The following VCL variants were observed in gnomAD, a reference collection of about 807,000 sequenced individuals.
VCL encodes epididymis luminal protein 114.
Under a neutral mutation model 125.7 loss-of-function variants are expected in VCL, and 47 were observed. The observed-to-expected ratio is 0.37, with a 90% confidence interval of 0.30 to 0.48. The LOEUF (loss-of-function observed/expected upper bound fraction) is 0.48. Among genes scored for constraint, VCL ranks in the 20% least tolerant of loss-of-function variants. VCL has a pLI of 0.99. For synonymous variants in VCL, 458 were observed against 514.6 expected (o/e 0.89, Z 1.49); for missense variants, 1,069 against 1,455.5 (o/e 0.73, Z 4.32).
At position 74,097,400 on chromosome 10, in the gene VCL, AT is replaced by A; in HGVS notation, c.1872+70del. 1.3e-6 allele frequency: 2 copies of A among 1,588,946 alleles called. No individual in the cohort carries two copies. The highest frequency in any genetic ancestry group is 1.7e-6 in the Non-Finnish European group (2 of 1,170,318). On this transcript the variant is annotated intron_variant, in intron 13 of 21. Transcript: ENST00000211998. The surrounding 1 kb of genome is among the most constrained non-coding windows in gnomAD (Gnocchi z 4.1). ...TAGGTATATGTAAAGGTGAAATGTG[AT>A]TACAGTGGACATCAGGATCAGTGGT...
At chr10:74,039,163 C>T (rs945485420) in intron 1 of VCL, among the ~76,000 whole-genome samples, 4 of 152,178 alleles carry the variant, frequency 2.6e-5, no homozygotes, top group Non-Finnish European at 4.4e-5. Flanking sequence ...CTGCTCTCCT[C>T]GGCCTCCCAA....
intron 1 of VCL, among the ~76,000 whole-genome samples, chr10:74,037,578 C>G (rs1841006075): frequency 1.3e-5 from 2 of 152,220 alleles, no homozygotes; most frequent in South Asian, 2.1e-4. Flanking sequence ...AAGTCCTGAA[C>G]TAACTGAACT....
intron 1 of VCL, among the ~76,000 whole-genome samples, chr10:74,009,213 C>CT (rs200588325): frequency 3.1e-5 from 2 of 64,942 alleles, no homozygotes; most frequent in African/African-American, 7.0e-5. Flanking sequence ...GTGGCTGCTG[C>CT]TTTCCCCCCC....
In VCL at chr10:74,070,796, G is replaced by A. The variant is rs199562976; in HGVS notation, c.366G>A (p.Leu122=). The A allele has an allele frequency of 1.6e-4, 262 of 1,613,908 alleles. No individual in the cohort carries two copies. The highest frequency in any genetic ancestry group is 2.0e-4 in the Non-Finnish European group (233 of 1,180,014). ...GCATCCTCTCTGGAACATCAGACCT[G>A]CTCCTTACCTTCGATGAGGCTGAGG... The part of the protein sequence containing the change: ...SRGILSGTSD[L]LLTFDEAEVR... Residue 122 remains leucine (L), a synonymous_variant, in exon 3 of 22, where the codon CTG becomes CTA. Coordinates refer to ENST00000211998, the MANE Select transcript of VCL (RefSeq NM_014000.3).
chr10:74,056,917 C>G (rs776600404), intron 2 of VCL, among the ~76,000 whole-genome samples: 7 of 152,070 alleles, frequency 4.6e-5, no homozygotes, highest in Non-Finnish European at 7.4e-5. Context: ...GAAATCTTCA[C>G]ATATATTATT....
At chr10:74,121,184 T>G (rs1005968737), downstream of VCL, 1 of 152,196 alleles carries the variant, frequency 6.6e-6, no homozygotes, top group Non-Finnish European at 1.5e-5. Context: ...TAAAACTGTC[T>G]TGTTTTTGCC....
intron 2 of VCL, among the ~76,000 whole-genome samples, chr10:74,069,426 T>C (rs1487784154): frequency 1.3e-5 from 2 of 152,230 alleles, no homozygotes; most frequent in Non-Finnish European, 2.9e-5. Flanking sequence ...TTTACATCTT[T>C]ATATACATAC....
intron 6 of VCL, among the ~76,000 whole-genome samples, chr10:74,082,131 A>G (rs1423005175): frequency 6.6e-6 from 1 of 152,208 alleles, no homozygotes; most frequent in Non-Finnish European, 1.5e-5. Flanking sequence ...ACAATGAGGC[A>G]TGTGACAACA....
intron 10 of VCL, among the ~76,000 whole-genome samples, chr10:74,092,023 C>A (rs1839897553): frequency 6.6e-6 from 1 of 151,972 alleles, no homozygotes; most frequent in Non-Finnish European, 1.5e-5. Flanking sequence ...ATTCTCCTGC[C>A]TCAGCCTCCC....
intron 1 of VCL, among the ~76,000 whole-genome samples, chr10:74,032,710 ATATATATAT>A (rs763617340): frequency 7.4e-6 from 1 of 134,532 alleles, no homozygotes; most frequent in Non-Finnish European, 1.5e-5. Context: ...AAAAAAAAAA[ATATATATAT>A]ATATATATAT....
intron 2 of VCL, among the ~76,000 whole-genome samples, chr10:74,065,249 G>A (rs1051758979): frequency 2.0e-5 from 3 of 151,056 alleles, no homozygotes; most frequent in African/African-American, 4.9e-5. Flanking sequence ...CAATTCTCCT[G>A]CCTCAGCCTC....
At chr10:74,022,722 C>T (rs112903111) in intron 1 of VCL, among the ~76,000 whole-genome samples, 57 of 151,644 alleles carry the variant, frequency 3.8e-4, no homozygotes, top group Non-Finnish European at 7.5e-4. Context: ...CTGCAACCTC[C>T]GCCTTCCAGG....
intron 17 of VCL, 130 bp downstream of exon 17, chr10:74,107,484 G>A (rs1470540386): frequency 6.9e-7 from 1 of 1,459,172 alleles, no homozygotes; most frequent in African/African-American, 1.4e-5. Context: ...AGCTTAGTGG[G>A]AGGCAGATCT....
chr10:74,096,117 C>A (rs1839964268), intron 12 of VCL, among the ~76,000 whole-genome samples: 1 of 147,200 alleles, frequency 6.8e-6, no homozygotes, highest in South Asian at 2.2e-4. Context: ...ATCATCTGTA[C>A]TTTTATTTAG....
chr10:74,108,925 G>C, intron 17 of VCL, 46 bp from the exon 18 acceptor site: 1 of 1,607,212 alleles, frequency 6.2e-7, no homozygotes, highest in Non-Finnish European at 8.5e-7. Flanking sequence ...ATTCCAGGGG[G>C]GAGTAGTTTT....
intron 14 of VCL, among the ~76,000 whole-genome samples, chr10:74,101,622 C>G (rs1399597413): frequency 7.8e-6 from 1 of 128,532 alleles, no homozygotes; most frequent in African/African-American, 3.1e-5. Flanking sequence ...GTGGCGCAAT[C>G]TCGGCTCACT....
chr10:74,053,604 A>C (rs1841344697), intron 2 of VCL, among the ~76,000 whole-genome samples: 1 of 151,326 alleles, frequency 6.6e-6, no homozygotes, highest in African/African-American at 2.4e-5. Context: ...TTTATGTTCA[A>C]TCTTTCTTTT....
Position 74,089,930 on chromosome 10 carries a change from A to G in VCL, c.1177-93A>G, listed in dbSNP as rs1839850378. ...TTATAAAAATGATTACTGGTATATTACTTTTGAAATCCTTCTTCTGGCCTT... is the reference window on the plus strand; with the variant it reads ...TTATAAAAATGATTACTGGTATATTGCTTTTGAAATCCTTCTTCTGGCCTT... On this transcript the variant is annotated intron_variant, in intron 9 of 21. Coordinates refer to ENST00000211998, the MANE Select transcript of VCL (RefSeq NM_014000.3). The G allele has an allele frequency of 2.9e-6, 4 of 1,392,832 alleles. No individual in the cohort carries two copies. In the African/African-American group the frequency reaches 5.7e-5, roughly 20 times the overall value. 86.3% of individuals were successfully genotyped at this position (1,392,832 alleles called of 1,614,324 possible). A position where few individuals can be genotyped will look rare whatever the true frequency, so the allele number is the denominator to read the frequency against.
At chr10:74,098,129 G>A (rs1373444569) in intron 13 of VCL, among the ~76,000 whole-genome samples, 1 of 152,116 alleles carries the variant, frequency 6.6e-6, no homozygotes, top group African/African-American at 2.4e-5. Context: ...TGCTACATCT[G>A]TATGTACCTC....
Sources: gnomAD v4.1 joint callset for allele counts (sites outside exome capture counted in the v4.1 genomes callset) on GRCh38, gnomAD v4.1.1 for gene constraint, Gnocchi (gnomAD v3.1) non-coding constraint, MANE v1.5 for transcripts, NCBI Gene and HGNC (gene_info 2026-07-23, HGNC 2026-07-21) for gene names.